Variants in FBXL4 observed in about 807,000 individuals in gnomAD.
FBXL4 encodes F-box and leucine rich repeat protein 4, also known as F-box/LRR-repeat protein 4.
In FBXL4, 40 loss-of-function variants were observed where a neutral mutation model predicts 58.9. The observed-to-expected ratio is 0.68, with a 90% CI of 0.53 to 0.88. The LOEUF (loss-of-function observed/expected upper bound fraction) is 0.88. Among genes scored for constraint, FBXL4 ranks in the 40% least tolerant of loss-of-function variants. The probability of loss-of-function intolerance (pLI) is 0.00; values close to 1 mark genes in which losing one functional copy is unlikely to be tolerated. For missense variants in FBXL4, 676 were observed against 734.4 expected (o/e 0.92, Z 0.92); for synonymous variants, 263 against 265.5 (o/e 0.99, Z 0.09).
chr6:98,908,302 C>A (rs527854072), intron 5 of FBXL4, among the ~76,000 whole-genome samples: 1 of 152,228 alleles, frequency 6.6e-6, no homozygotes, highest in South Asian at 2.1e-4. Context: ...ACTATATACA[C>A]CATTCAGCAA....
intron 6 of FBXL4, among the ~76,000 whole-genome samples, chr6:98,899,835 C>T (rs901352119): frequency 2.0e-5 from 3 of 152,084 alleles, no homozygotes; most frequent in Non-Finnish European, 4.4e-5. Context: ...CATAACAAAA[C>T]TCTAAACTCT....
chr6:98,894,853 T>C (rs986566952), intron 7 of FBXL4, among the ~76,000 whole-genome samples: 1 of 152,170 alleles, frequency 6.6e-6, no homozygotes, highest in Non-Finnish European at 1.5e-5. Flanking sequence ...AAGAAAAAGA[T>C]CTCATGAAAT....
chr6:98,892,224 C>T (rs1771256741), intron 7 of FBXL4, among the ~76,000 whole-genome samples: 1 of 152,164 alleles, frequency 6.6e-6, no homozygotes, highest in South Asian at 2.1e-4. Context: ...TTCTGTTTTA[C>T]ATATTATCTA....
At chr6:98,935,479 T>C (rs997619014) in intron 1 of FBXL4, among the ~76,000 whole-genome samples, 2 of 152,072 alleles carry the variant, frequency 1.3e-5, no homozygotes, top group Non-Finnish European at 2.9e-5. Context: ...TTCTTCAGTG[T>C]TTAACGATGG....
At chr6:98,924,482 G>A (rs2300063) in intron 4 of FBXL4, among the ~76,000 whole-genome samples, 7 of 152,112 alleles carry the variant, frequency 4.6e-5, no homozygotes, top group African/African-American at 1.7e-4. Context: ...TCATTAACCC[G>A]AGAGGCAGAG....
intron 7 of FBXL4, among the ~76,000 whole-genome samples, chr6:98,894,717 CAACA>C (rs1224837007): frequency 6.6e-6 from 1 of 152,108 alleles, no homozygotes; most frequent in Non-Finnish European, 1.5e-5. Flanking sequence ...TAATGAAATT[CAACA>C]AATATATGCC....
intron 2 of FBXL4, among the ~76,000 whole-genome samples, chr6:98,932,910 G>GAAA (rs572882559): frequency 9.8e-6 from 1 of 101,744 alleles, no homozygotes; most frequent in African/African-American, 3.6e-5. Context: ...TGAAGTCATA[G>GAAA]AAAAAAAAAA....
At chr6:98,896,637 A>C (rs764552773) in intron 7 of FBXL4, 105 of 398,934 alleles carry the variant, frequency 2.6e-4, no homozygotes, top group Admixed American at 5.1e-4. Flanking sequence ...TCAGTTTTAT[A>C]ATTTTTTTCT....
rs546019693 is a variant in FBXL4 at position 98,924,107 on chromosome 6, G to A, written c.512+2370C>T. Among the ~76,000 whole-genome samples the A allele has an allele frequency of 4.1e-4, 63 of 152,228 alleles. 3 individuals carry two copies. The South Asian group carries it at 0.012, about 30-fold the overall frequency. The stretch of plus-strand genomic sequence containing the variant: ...TCTCAGTAACCCAAGAGCATGATTT[G>A]TACTTAAAATTAGTTATGCAGCTGT... On this transcript the variant is annotated intron_variant, in intron 4 of 9. Transcript: ENST00000369244.
chr6:98,929,504 G>A (rs1772920522), intron 2 of FBXL4, among the ~76,000 whole-genome samples: 1 of 150,298 alleles, frequency 6.7e-6, no homozygotes, highest in Admixed American at 6.7e-5. Context: ...CCAAGAGGTG[G>A]AGATTGCAGT....
chr6:98,934,780 G>A lies in FBXL4; in HGVS notation c.-209C>T, dbSNP rs1417786483. On this transcript the variant is annotated 5_prime_UTR_variant, in exon 2 of 10. Transcript: ENST00000369244. ...TTCTTACCTGAAACATATGGATCAA[G>A]AGGAAGACTGGAGACTCCTATCCAG... is the stretch of plus-strand genomic sequence containing the variant. 1 of 152,176 alleles carries A rather than the reference G, an allele frequency of 6.6e-6. No individual in the cohort carries two copies. The highest frequency in any genetic ancestry group is 1.5e-5 in the Non-Finnish European group (1 of 68,034). The allele number at this position is 152,176 out of a possible 1,614,324, so 9.4% of individuals were successfully genotyped here. A position where few individuals can be genotyped will look rare whatever the true frequency, so the allele number is the denominator to read the frequency against.
chr6:98,902,560 T>C (rs1771653951), intron 6 of FBXL4, among the ~76,000 whole-genome samples: 1 of 152,048 alleles, frequency 6.6e-6, no homozygotes. Flanking sequence ...TTCTCGAATC[T>C]AGAACGCATC....
At chr6:98,897,541 A>G (rs974842140) in intron 7 of FBXL4, 1 of 166,658 alleles carries the variant, frequency 6.0e-6, no homozygotes, top group Non-Finnish European at 1.2e-5. Context: ...TTTGCCCAAA[A>G]TTGAGAATAA....
intron 1 of FBXL4, among the ~76,000 whole-genome samples, chr6:98,941,147 T>C (rs1773416573): frequency 6.6e-6 from 1 of 152,122 alleles, no homozygotes; most frequent in Non-Finnish European, 1.5e-5. Flanking sequence ...TATTCATAAT[T>C]GTTGCAACTT....
At chr6:98,884,149 T>C (rs796809976) in intron 7 of FBXL4, among the ~76,000 whole-genome samples, 15 of 152,142 alleles carry the variant, frequency 9.9e-5, no homozygotes, top group African/African-American at 3.6e-4. Context: ...TGAGTACTTA[T>C]TAACATGTCA....
At chr6:98,877,446 C>G (rs565966093) in intron 8 of FBXL4, among the ~76,000 whole-genome samples, 1 of 152,170 alleles carries the variant, frequency 6.6e-6, no homozygotes, top group Non-Finnish European at 1.5e-5. Context: ...GAAATTCCTT[C>G]AAGAGTTTTT....
At chr6:98,923,103 C>T (rs1453392977) in intron 4 of FBXL4, among the ~76,000 whole-genome samples, 2 of 152,132 alleles carry the variant, frequency 1.3e-5, no homozygotes, top group Non-Finnish European at 2.9e-5. Flanking sequence ...TGACAGTCCC[C>T]CTTTCCCACC....
intron 1 of FBXL4, among the ~76,000 whole-genome samples, chr6:98,944,589 G>C (rs1160398106): frequency 5.3e-5 from 8 of 152,132 alleles, no homozygotes; most frequent in Non-Finnish European, 1.2e-4. Flanking sequence ...TATCATATAA[G>C]TAGAGGCACT....
intron 6 of FBXL4, among the ~76,000 whole-genome samples, chr6:98,900,130 G>A (rs891402071): frequency 6.6e-6 from 1 of 152,158 alleles, no homozygotes; most frequent in Non-Finnish European, 1.5e-5. Context: ...CTTTATCAGA[G>A]TAGTTACCAC....
Sources: allele counts gnomAD v4.1 joint callset (sites outside exome capture counted in the v4.1 genomes callset), GRCh38; gene constraint gnomAD v4.1.1; transcripts MANE v1.5; gene names NCBI Gene and HGNC (gene_info 2026-07-23, HGNC 2026-07-21).